The following PTPRD variants were observed in gnomAD, a reference collection of about 807,000 sequenced individuals.
PTPRD encodes the protein protein tyrosine phosphatase receptor type D.
In PTPRD, 34 loss-of-function variants were observed where a neutral mutation model predicts 214.5. The ratio of observed to expected loss-of-function variants is 0.16; its 90% confidence interval spans 0.12 to 0.21. The LOEUF is 0.21. Among genes scored for constraint, PTPRD ranks in the 10% least tolerant of loss-of-function variants. The probability of loss-of-function intolerance (pLI) is 1.00; values close to 1 mark genes in which losing one functional copy is unlikely to be tolerated. For synonymous variants in PTPRD, 1,128 were observed against 845.7 expected, an observed-to-expected ratio of 1.33 and a Z score of -5.79; for missense variants, 2,545 against 2,398.7, an observed-to-expected ratio of 1.06 and a Z score of -1.27.
chr9:9,618,294 A>T (rs2095028155), intron 7 of PTPRD, among the ~76,000 whole-genome samples: 1 of 151,910 alleles, frequency 6.6e-6, no homozygotes, highest in Admixed American at 6.6e-5. Flanking sequence ...GTATTATCAC[A>T]ATTTTAAGTT....
rs1004614224 is a variant in PTPRD at position 9,595,957 on chromosome 9, T to A, written c.-286-21176A>T. On this transcript the variant is annotated intron_variant, in intron 7 of 45. Coordinates refer to ENST00000381196, the MANE Select transcript of PTPRD (RefSeq NM_002839.4). ...ATAACCTATGGAAATAAAAAAAAAATAAAAAATAAATTAAATATTCCTATT... is the reference window on the plus strand; with the variant it reads ...ATAACCTATGGAAATAAAAAAAAAAAAAAAAATAAATTAAATATTCCTATT... 2.6e-3 allele frequency among the ~76,000 whole-genome samples: 384 copies of A among 150,276 alleles called. 1 individual carries two copies. Among genetic ancestry groups the A allele is most frequent in the Non-Finnish European group, 4.4e-3 (298 of 67,500 alleles).
intron 3 of PTPRD, among the ~76,000 whole-genome samples, chr9:10,048,073 T>G (rs2097440944): frequency 6.6e-6 from 1 of 152,210 alleles, no homozygotes; most frequent in African/African-American, 2.4e-5. Context: ...AGCCATCTAT[T>G]TCTCGCTGCA....
At chr9:10,118,457 G>T (rs1323284136) in intron 3 of PTPRD, among the ~76,000 whole-genome samples, 1 of 151,422 alleles carries the variant, frequency 6.6e-6, no homozygotes, top group Non-Finnish European at 1.5e-5. Flanking sequence ...AAAATAACAA[G>T]CCCCAAATAC....
At chr9:10,313,231 A>G (rs2096319381) in intron 3 of PTPRD, among the ~76,000 whole-genome samples, 1 of 151,890 alleles carries the variant, frequency 6.6e-6, no homozygotes, top group African/African-American at 2.4e-5. Flanking sequence ...ATTCCTGATA[A>G]TTACACACAG....
chr9:9,962,627 T>C (rs1362478823), intron 4 of PTPRD, among the ~76,000 whole-genome samples: 2 of 152,092 alleles, frequency 1.3e-5, no homozygotes, highest in African/African-American at 4.8e-5. Context: ...AAGTTACGAT[T>C]AACGGTAGAC....
At chr9:9,023,415 A>G (rs2099576160) in intron 10 of PTPRD, among the ~76,000 whole-genome samples, 2 of 152,022 alleles carry the variant, frequency 1.3e-5, no homozygotes, top group Admixed American at 1.3e-4. Context: ...TTTTTGGCAC[A>G]CATGATAAAC....
chr9:9,467,925 A>G (rs2094327313), intron 8 of PTPRD, among the ~76,000 whole-genome samples: 1 of 152,160 alleles, frequency 6.6e-6, no homozygotes, highest in Non-Finnish European at 1.5e-5. Context: ...GATTTTGCAC[A>G]CATGTTCATA....
At chr9:10,349,029 C>A (rs2097137987) in intron 2 of PTPRD, among the ~76,000 whole-genome samples, 1 of 152,104 alleles carries the variant, frequency 6.6e-6, no homozygotes. Context: ...AGTCATCCCT[C>A]TGCACACCTG....
intron 3 of PTPRD, among the ~76,000 whole-genome samples, chr9:10,071,287 G>A (rs1481108068): frequency 6.6e-6 from 1 of 151,966 alleles, no homozygotes. Context: ...TAAAATTTAT[G>A]TGGAAAGGGA....
chr9:10,405,695 T>C (rs1042027084), intron 2 of PTPRD, among the ~76,000 whole-genome samples: 4 of 151,484 alleles, frequency 2.6e-5, no homozygotes, highest in African/African-American at 4.8e-5. Context: ...TGCAAATAAA[T>C]ACAGTTAAAT....
chr9:9,662,869 C>T (rs1349684836), intron 7 of PTPRD, among the ~76,000 whole-genome samples: 1 of 151,472 alleles, frequency 6.6e-6, no homozygotes, highest in Non-Finnish European at 1.5e-5. Flanking sequence ...GTTTGATTCC[C>T]TGATAGATTG....
At chr9:8,526,718 G>A (rs1022403899) in intron 16 of PTPRD, 74 bp from the exon 17 acceptor site, 2 of 1,222,576 alleles carry the variant, frequency 1.6e-6, no homozygotes, top group Non-Finnish European at 2.3e-6. Flanking sequence ...GGCTAGGGCT[G>A]GGGAGAAGAA....
intron 5 of PTPRD, among the ~76,000 whole-genome samples, chr9:9,816,893 A>T (rs1423706878): frequency 7.0e-6 from 1 of 142,826 alleles, no homozygotes; most frequent in Non-Finnish European, 1.5e-5. Flanking sequence ...AAATCACAAG[A>T]TACTAATAAT....
At chr9:10,309,356 G>T (rs685306) in intron 3 of PTPRD, among the ~76,000 whole-genome samples, 41,637 of 150,726 alleles carry the variant, frequency 0.28, 6,945 homozygotes, top group African/African-American at 0.48. Context: ...TTGTTTTGTT[G>T]TGTTGTGTTT....
rs1301230665 is a variant in PTPRD at position 9,180,323 on chromosome 9, C to A, written c.-143+2981G>T. On this transcript the variant is annotated intron_variant, in intron 10 of 45. Transcript: ENST00000381196. ...GGACATGGATGAAACTGGAAACCAT[C>A]ATTCTCAGCAAACTATCGCAAGGAC... Among the ~76,000 whole-genome samples, 4 of 151,666 alleles carry A rather than the reference C, an allele frequency of 2.6e-5. No homozygotes were observed. The South Asian group carries it at 6.3e-4, about 24-fold the overall frequency.
chr9:9,327,081 T>C lies in PTPRD; in HGVS notation c.-203+70368A>G, dbSNP rs115792327. On this transcript the variant is annotated intron_variant, in intron 9 of 45. Transcript: ENST00000381196. ...GATTTTAAAACATGCAGCTGTTCTG[T>C]AGTTTAGCAAGAACAATCATATATA... Among the ~76,000 whole-genome samples, 624 of 152,302 alleles carry C rather than the reference T, an allele frequency of 4.1e-3. 6 individuals are homozygous for C. Among genetic ancestry groups the C allele is most frequent in the African/African-American group, 0.014 (582 of 41,576 alleles).
chr9:8,451,048 C>A (rs1023481800), intron 33 of PTPRD, among the ~76,000 whole-genome samples: 1 of 152,134 alleles, frequency 6.6e-6, no homozygotes, highest in African/African-American at 2.4e-5. Context: ...TCAATGCCAC[C>A]CAGGTCGTTC....
chr9:10,064,234 G>A (rs1257794332), intron 3 of PTPRD, among the ~76,000 whole-genome samples: 1 of 151,698 alleles, frequency 6.6e-6, no homozygotes, highest in African/African-American at 2.4e-5. Flanking sequence ...TTACAGTATG[G>A]TGAATTGTTT....
intron 10 of PTPRD, among the ~76,000 whole-genome samples, chr9:9,072,367 T>C (rs888275461): frequency 1.3e-5 from 2 of 150,492 alleles, no homozygotes; most frequent in African/African-American, 4.9e-5. Flanking sequence ...AAACAGAGCA[T>C]TGTCACAGAT....
Sources: allele counts gnomAD v4.1 joint callset (sites outside exome capture counted in the v4.1 genomes callset), GRCh38; gene constraint gnomAD v4.1.1; transcripts MANE v1.5; gene names NCBI Gene and HGNC (gene_info 2026-07-23, HGNC 2026-07-21).